Variants in PHLDB3 observed in about 807,000 individuals in gnomAD.
PHLDB3 encodes the protein pleckstrin homology-like domain family B member 3.
In PHLDB3, 86 loss-of-function variants were observed where a neutral mutation model predicts 85.7. That is an observed-to-expected ratio of 1.00 (90% CI 0.84 to 1.20). The LOEUF (loss-of-function observed/expected upper bound fraction) is 1.20. PHLDB3 is among the 50% of genes most tolerant of loss of function. The pLI, the probability that PHLDB3 is intolerant of heterozygous loss-of-function variation, is 0.00. For synonymous variants in PHLDB3, 376 were observed against 349.8 expected, an observed-to-expected ratio of 1.07 and a Z score of -0.83; for missense variants, 995 against 873.0, an observed-to-expected ratio of 1.14 and a Z score of -1.76.
In PHLDB3 at chr19:43,479,465, G is replaced by T; in HGVS notation, c.1614C>A (p.Pro538=). Residue 538 remains proline (P), a synonymous_variant, in exon 14 of 16, where the codon CCC becomes CCA. Coordinates refer to ENST00000292140, the MANE Select transcript of PHLDB3 (RefSeq NM_198850.4). ...TGATGCGGCCGCCCATCTTCACCAG[G>T]GGTCCACGGCAGCAGCACCCAGACA... ...VQVSGCCCRG[P]LVKMGGRIKT... The T allele has an allele frequency of 6.4e-7, 1 of 1,564,346 alleles. No homozygotes were observed. Among genetic ancestry groups the T allele is most frequent in the East Asian group, 2.4e-5 (1 of 41,822 alleles).
At chr19:43,482,154 T>C (rs1971061894) in intron 13 of PHLDB3, among the ~76,000 whole-genome samples, 1 of 152,182 alleles carries the variant, frequency 6.6e-6, no homozygotes, top group Non-Finnish European at 1.5e-5. Flanking sequence ...GAGGTGACTC[T>C]CCAAGGTCAC....
At chr19:43,478,219 G>A (rs1437673563) in intron 14 of PHLDB3, 87 bp from the exon 15 acceptor site, 4 of 992,278 alleles carry the variant, frequency 4.0e-6, no homozygotes, top group Non-Finnish European at 6.2e-6. Flanking sequence ...CCTAAGTCCT[G>A]AGACTGGATT....
chr19:43,502,336 C>T (rs956866088), intron 2 of PHLDB3, 53 bp from the exon 3 acceptor site: 23 of 1,497,812 alleles, frequency 1.5e-5, no homozygotes, highest in Non-Finnish European at 2.0e-5. Flanking sequence ...CCTGCAATCA[C>T]TAAGTAGGTC....
At chr19:43,495,028 C>T (rs1971411350) in intron 8 of PHLDB3, among the ~76,000 whole-genome samples, 1 of 148,194 alleles carries the variant, frequency 6.7e-6, no homozygotes, top group Non-Finnish European at 1.5e-5. Context: ...GGGCTGGACT[C>T]CTGGGTCTGA....
chr19:43,502,543 C>T (rs370073394), intron 2 of PHLDB3, among the ~76,000 whole-genome samples: 1 of 150,736 alleles, frequency 6.6e-6, no homozygotes, highest in African/African-American at 2.4e-5. Flanking sequence ...CGACCTCCCT[C>T]GCTCAAGCGA....
In PHLDB3 at chr19:43,497,107, GCATGACTCACTCTGTGCTGCGC is replaced by G; in HGVS notation, c.814_825+10del. ...CAGCAAGGGGGGCAGCGCTGGTCAG[GCATGACTCACTCTGTGCTGCGC>G]CATGCTGGCCTGGAGTTCCTGGACC... On this transcript the variant is annotated splice_donor_variant and splice_donor_5th_base_variant and coding_sequence_variant and intron_variant, in exon 6 of 16. Transcript: ENST00000292140. LOFTEE classifies it high-confidence loss of function. 1 of 1,476,048 alleles carries G rather than the reference GCATGACTCACTCTGTGCTGCGC, an allele frequency of 6.8e-7. No individual in the cohort carries two copies. The highest frequency in any genetic ancestry group is 1.4e-5 in the African/African-American group (1 of 69,400). 91.4% of individuals were successfully genotyped at this position (1,476,048 alleles called of 1,614,324 possible).
chr19:43,493,498 A>G (rs1971370672), intron 9 of PHLDB3, among the ~76,000 whole-genome samples: 1 of 151,678 alleles, frequency 6.6e-6, no homozygotes, highest in Admixed American at 6.6e-5. Flanking sequence ...TCAGCTGTGT[A>G]TGGTGGTGTG....
intron 6 of PHLDB3, 82 bp from the exon 7 acceptor site, chr19:43,495,702 G>C: frequency 1.3e-6 from 2 of 1,509,528 alleles, no homozygotes; most frequent in Non-Finnish European, 1.8e-6. Flanking sequence ...CTGGAGGGCT[G>C]GGGTTTACTC....
At chr19:43,493,595 G>T (rs143478550) in intron 9 of PHLDB3, among the ~76,000 whole-genome samples, 10 of 150,448 alleles carry the variant, frequency 6.6e-5, no homozygotes, top group Middle Eastern at 6.9e-3. Context: ...TCCCACCATT[G>T]CACTCTAGCC....
At chr19:43,479,695 C>T (rs1364523416) in intron 13 of PHLDB3, 102 bp from the exon 14 acceptor site, 4 of 750,878 alleles carry the variant, frequency 5.3e-6, no homozygotes, top group Admixed American at 2.3e-5. Context: ...ATGTAAGGCC[C>T]GCTACAGCCT....
chr19:43,487,174 C>A, intron 9 of PHLDB3, 51 bp from the exon 10 acceptor site: 1 of 1,487,718 alleles, frequency 6.7e-7, no homozygotes, highest in Non-Finnish European at 9.2e-7. Flanking sequence ...GATCTCCAAC[C>A]TAAGTCAGAG....
intron 9 of PHLDB3, among the ~76,000 whole-genome samples, chr19:43,492,932 A>T (rs1016023489): frequency 1.1e-4 from 17 of 152,120 alleles, no homozygotes; most frequent in African/African-American, 4.1e-4. Flanking sequence ...AAATGAGGCA[A>T]CTGTAAATGT....
chr19:43,493,933 C>T (rs1286618962), intron 9 of PHLDB3, among the ~76,000 whole-genome samples: 1 of 152,140 alleles, frequency 6.6e-6, no homozygotes, highest in Non-Finnish European at 1.5e-5. Context: ...CATCCCTAAC[C>T]TAAAACTCTG....
intron 7 of PHLDB3, 73 bp downstream of exon 7, chr19:43,495,422 G>A: frequency 6.3e-7 from 1 of 1,598,308 alleles, no homozygotes; most frequent in Non-Finnish European, 8.5e-7. Context: ...AGACATCTGG[G>A]GTGCAGGGAG....
intron 10 of PHLDB3, 36 bp from the exon 11 acceptor site, chr19:43,486,906 C>T (rs201276961): frequency 1.9e-4 from 289 of 1,501,606 alleles, no homozygotes; most frequent in African/African-American, 1.2e-3. Flanking sequence ...GGGCTGGATA[C>T]ACCCTGGCCT....
chr19:43,476,382 C>T lies in PHLDB3; in HGVS notation c.1789-838G>A, dbSNP rs143154067. 1.2e-4 allele frequency among the ~76,000 whole-genome samples: 18 copies of T among 152,228 alleles called. No homozygotes were observed. In the South Asian group the frequency reaches 1.2e-3, roughly 11 times the overall value. ...CAGGCCGGCCGGGCTGGGTGGCTCA[C>T]GCCTGCAATCCCAGCACTTTGGGAG... is the stretch of plus-strand genomic sequence containing the variant. On this transcript the variant is annotated intron_variant, in intron 15 of 15. Transcript: ENST00000292140.
intron 14 of PHLDB3, among the ~76,000 whole-genome samples, chr19:43,479,174 A>C: frequency 6.6e-6 from 1 of 151,996 alleles, no homozygotes; most frequent in East Asian, 1.9e-4. Context: ...GGGGCTGGGG[A>C]TCTGGATTCC....
Position 43,475,449 on chromosome 19 carries a change from G to A in PHLDB3, c.1884C>T (p.Asp628=), listed in dbSNP as rs1384471642. ...PSPEAMRIWM[D]VIVTAADENH... is the part of the protein sequence containing the mutation. ...TTTCGTCAGCGGCGGTCACGATGAC[G>A]TCCATCCAAATGCGCATGGCTTCGG... The change falls in exon 16 of 16, where the codon GAC becomes GAT. Residue 628 remains aspartate (D), a synonymous_variant. Transcript: ENST00000292140. The A allele has an allele frequency of 1.9e-6, 3 of 1,613,958 alleles. No individual in the cohort carries two copies. Among genetic ancestry groups the A allele is most frequent in the Admixed American group, 1.7e-5 (1 of 60,020 alleles).
chr19:43,498,241 A>G (rs536467570), intron 4 of PHLDB3, among the ~76,000 whole-genome samples: 1 of 152,220 alleles, frequency 6.6e-6, no homozygotes, highest in Non-Finnish European at 1.5e-5. Flanking sequence ...CGGGAGGCTG[A>G]GGTGGGAGGA....
Sources: allele counts gnomAD v4.1 joint callset (sites outside exome capture counted in the v4.1 genomes callset), GRCh38; gene constraint gnomAD v4.1.1; transcripts MANE v1.5; gene names NCBI Gene and HGNC (gene_info 2026-07-23, HGNC 2026-07-21).